The following CASD1 variants were observed in gnomAD, a reference collection of about 807,000 sequenced individuals.
CASD1 encodes N-acetylneuraminate (7)9-O-acetyltransferase.
CASD1 carries 41 observed loss-of-function variants against 100.0 expected under a neutral mutation model. That is an observed-to-expected ratio of 0.41 (90% confidence interval 0.32 to 0.53). The LOEUF (loss-of-function observed/expected upper bound fraction) is 0.53. Among genes scored for constraint, CASD1 ranks in the 20% least tolerant of loss-of-function variants. The probability of loss-of-function intolerance (pLI) is 0.25; values close to 1 mark genes in which losing one functional copy is unlikely to be tolerated. For synonymous variants in CASD1, 321 were observed against 315.6 expected (o/e 1.02, Z -0.18); for missense variants, 774 against 948.7 (o/e 0.82, Z 2.42).
At chr7:94,546,395 T>C (rs1206323504) in intron 12 of CASD1, among the ~76,000 whole-genome samples, 1 of 151,944 alleles carries the variant, frequency 6.6e-6, no homozygotes, top group Admixed American at 6.6e-5. Context: ...GAAAATAATG[T>C]TTTATTTTTA....
intron 1 of CASD1, among the ~76,000 whole-genome samples, chr7:94,516,842 GTGTATTATAGTAGTTGAA>G (rs1794000968): frequency 6.6e-6 from 1 of 151,636 alleles, no homozygotes; most frequent in African/African-American, 2.4e-5. Context: ...CTGATGCACT[GTGTATTATAGTAGTTGAA>G]TAGGAAGTCA....
At chr7:94,518,580 GA>G (rs1185923784) in intron 3 of CASD1, among the ~76,000 whole-genome samples, 2 of 151,984 alleles carry the variant, frequency 1.3e-5, no homozygotes, top group Non-Finnish European at 2.9e-5. Context: ...TCTTACCATG[GA>G]AAAACTTTTA....
chr7:94,546,534 AG>A (rs1472433579), intron 12 of CASD1, among the ~76,000 whole-genome samples: 1 of 151,980 alleles, frequency 6.6e-6, no homozygotes, highest in Non-Finnish European at 1.5e-5. Flanking sequence ...AAAGTCCAGT[AG>A]TGTCTTTGGA....
chr7:94,560,592 T>A (rs980791277), downstream of CASD1, among the ~76,000 whole-genome samples: 4 of 152,194 alleles, frequency 2.6e-5, no homozygotes, highest in African/African-American at 9.7e-5. Context: ...GATATATTAT[T>A]TACACTAATA....
At chr7:94,512,275 A>G (rs1033448717) in intron 1 of CASD1, among the ~76,000 whole-genome samples, 2 of 152,186 alleles carry the variant, frequency 1.3e-5, no homozygotes, top group African/African-American at 4.8e-5. Context: ...ATTGCAAAAA[A>G]TCTCGTATCA....
At chr7:94,571,512 G>C in the CASD1 span, among the ~76,000 whole-genome samples, 2 of 152,116 alleles carry the variant, frequency 1.3e-5, no homozygotes, top group Non-Finnish European at 2.9e-5. Context: ...GGATTTTAAG[G>C]GTGCTGCCAG....
At chr7:94,611,207 A>G in the CASD1 span, among the ~76,000 whole-genome samples, 6 of 152,228 alleles carry the variant, frequency 3.9e-5, no homozygotes, top group Non-Finnish European at 8.8e-5. Flanking sequence ...AATGTTCACA[A>G]TGACATCATT....
the CASD1 span, among the ~76,000 whole-genome samples, chr7:94,613,664 G>A: frequency 6.6e-6 from 1 of 152,142 alleles, no homozygotes; most frequent in Non-Finnish European, 1.5e-5. Context: ...AACAATTTAA[G>A]TAGAAACTCC....
intron 10 of CASD1, among the ~76,000 whole-genome samples, chr7:94,540,840 A>C (rs1197096818): frequency 6.6e-6 from 1 of 152,188 alleles, no homozygotes; most frequent in African/African-American, 2.4e-5. Flanking sequence ...ACTTAGAGAC[A>C]TAATTAATTG....
At chr7:94,615,417 GATA>G in the CASD1 span, among the ~76,000 whole-genome samples, 2 of 127,652 alleles carry the variant, frequency 1.6e-5, no homozygotes, top group Non-Finnish European at 3.5e-5. Flanking sequence ...TAGATAGATA[GATA>G]GATAAAGGGC....
intron 17 of CASD1, among the ~76,000 whole-genome samples, chr7:94,555,204 A>T (rs1796145556): frequency 6.6e-6 from 1 of 152,038 alleles, no homozygotes. Context: ...AGAGTATAGG[A>T]TTTATTAAAT....
the CASD1 span, chr7:94,619,574 C>T: frequency 1.3e-5 from 2 of 152,234 alleles, no homozygotes; most frequent in Non-Finnish European, 2.9e-5. Flanking sequence ...TAATTTGTTA[C>T]TCAAATGCTA....
At chr7:94,574,387 T>C in the CASD1 span, among the ~76,000 whole-genome samples, 3 of 152,160 alleles carry the variant, frequency 2.0e-5, no homozygotes, top group Non-Finnish European at 2.9e-5. Context: ...AGGCTACTTA[T>C]TACTGATTCA....
intron 3 of CASD1, chr7:94,524,119 A>G (rs1223460171): frequency 6.6e-6 from 1 of 152,136 alleles, no homozygotes; most frequent in Non-Finnish European, 1.5e-5. Context: ...GTAGGAGAAT[A>G]TCTTCATTAT....
chr7:94,585,663 G>A, the CASD1 span: 3 of 635,300 alleles, frequency 4.7e-6, no homozygotes, highest in South Asian at 2.2e-5. Context: ...CTCTGTATTT[G>A]GTTTTTTTAA....
At chr7:94,525,320 AAAG>A (rs911218401) in intron 3 of CASD1, among the ~76,000 whole-genome samples, 137 of 152,320 alleles carry the variant, frequency 9.0e-4, no homozygotes, top group African/African-American at 2.8e-3. Flanking sequence ...GACAAAAACT[AAAG>A]AAAGTTTTTA....
At chr7:94,601,443 CAAA>C in the CASD1 span, among the ~76,000 whole-genome samples, 1,170 of 88,268 alleles carry the variant, frequency 0.013, no homozygotes, top group Non-Finnish European at 0.015. Context: ...ATCCCAGTAT[CAAA>C]AAAAAAAAAA....
At chr7:94,579,697 A>C in the CASD1 span, among the ~76,000 whole-genome samples, 5 of 152,180 alleles carry the variant, frequency 3.3e-5, no homozygotes, top group Non-Finnish European at 5.9e-5. Context: ...TCAGATGACA[A>C]AATGAGCACC....
intron 3 of CASD1, among the ~76,000 whole-genome samples, chr7:94,520,748 G>A (rs1397445335): frequency 6.6e-6 from 1 of 152,126 alleles, no homozygotes; most frequent in Non-Finnish European, 1.5e-5. Context: ...ACGAGGTCAA[G>A]AGACGGAGAC....
Sources: gnomAD v4.1 joint callset for allele counts (sites outside exome capture counted in the v4.1 genomes callset) on GRCh38, gnomAD v4.1.1 for gene constraint, MANE v1.5 for transcripts, NCBI Gene and HGNC (gene_info 2026-07-23, HGNC 2026-07-21) for gene names.